Variants in TYW1B observed in about 807,000 individuals in gnomAD.
TYW1B encodes the protein S-adenosyl-L-methionine-dependent tRNA 4-demethylwyosine synthase TYW1B.
TYW1B carries 73 observed loss-of-function variants against 86.9 expected under a neutral mutation model. That is an observed-to-expected ratio of 0.84 (90% CI 0.70 to 1.02). The LOEUF (loss-of-function observed/expected upper bound fraction) is 1.02, where lower values mean the gene tolerates loss of function less well. Among genes scored for constraint, TYW1B ranks in the 50% least tolerant of loss-of-function variants. TYW1B has a pLI of 0.00. For missense variants in TYW1B, 637 were observed against 827.4 expected (o/e 0.77, Z 2.82); for synonymous variants, 248 against 292.8 (o/e 0.85, Z 1.56).
chr7:72,719,872 T>G (rs1786863748), intron 9 of TYW1B, among the ~76,000 whole-genome samples: 1 of 152,092 alleles, frequency 6.6e-6, no homozygotes, highest in Admixed American at 6.6e-5. Context: ...GGAGCCTGCC[T>G]GATTATGTCT....
Position 72,691,888 on chromosome 7 carries a change from T to G in TYW1B, c.1506+2799A>C, listed in dbSNP as rs1814171533. On this transcript the variant is annotated intron_variant, in intron 11 of 13. Transcript: ENST00000620995. The stretch of plus-strand genomic sequence containing the variant: ...ACACATATAGTACTTTACAAATCTC[T>G]GTTGAGTTTCCACCCATTCATTCTT... 5.3e-5 allele frequency among the ~76,000 whole-genome samples: 8 copies of G among 152,134 alleles called. No homozygotes were observed. The South Asian group carries it at 1.7e-3, about 31-fold the overall frequency.
chr7:72,607,387 G>T (rs1328928158), intron 13 of TYW1B, among the ~76,000 whole-genome samples: 1 of 91,996 alleles, frequency 1.1e-5, no homozygotes, highest in Non-Finnish European at 2.1e-5. Flanking sequence ...GTGAGATTCT[G>T]TCTCTCAAAA....
chr7:72,678,724 T>C (rs1813798495), intron 11 of TYW1B, among the ~76,000 whole-genome samples: 2 of 151,056 alleles, frequency 1.3e-5, no homozygotes, highest in Admixed American at 1.3e-4. Context: ...GTATTTTTAG[T>C]AGAGACGGGG....
At chr7:72,725,340 C>G (rs1476264536) in intron 9 of TYW1B, among the ~76,000 whole-genome samples, 1 of 152,090 alleles carries the variant, frequency 6.6e-6, no homozygotes, top group Non-Finnish European at 1.5e-5. Context: ...ACAAACTGCC[C>G]GAGACACAGT....
At chr7:72,685,991 C>T (rs1813998695) in intron 11 of TYW1B, among the ~76,000 whole-genome samples, 1 of 152,130 alleles carries the variant, frequency 6.6e-6, no homozygotes. Context: ...CCATAACAGA[C>T]ATCTCTTCAA....
chr7:72,827,678 G>A (rs564533984), intron 1 of TYW1B, among the ~76,000 whole-genome samples: 2 of 152,080 alleles, frequency 1.3e-5, no homozygotes, highest in South Asian at 4.1e-4. Flanking sequence ...AAAGGCTCAC[G>A]GTTAAACTTG....
intron 8 of TYW1B, among the ~76,000 whole-genome samples, chr7:72,736,658 C>T (rs1787201948): frequency 6.6e-6 from 1 of 152,214 alleles, no homozygotes; most frequent in Non-Finnish European, 1.5e-5. Flanking sequence ...TAGGCAACCA[C>T]TAATCTACTT....
chr7:72,814,486 A>G (rs1788684489), intron 3 of TYW1B, among the ~76,000 whole-genome samples: 1 of 152,036 alleles, frequency 6.6e-6, no homozygotes, highest in Non-Finnish European at 1.5e-5. Context: ...CAGGAGACTG[A>G]GGCAGGAGAA....
rs1441447026 is a variant in TYW1B at position 72,628,922 on chromosome 7, C to T, written c.1582G>A (p.Val528Met). The change falls in exon 12 of 14, where the codon GTG becomes ATG. Residue 528 changes from valine to methionine, a missense_variant. By Grantham distance (21) the Val-to-Met change is conservative. Coordinates refer to ENST00000620995, the MANE Select transcript of TYW1B (RefSeq NM_001145440.3). ...VDELQAYAQLVSLGNPDFIEV... is the reference protein window; with the variant it reads ...VDELQAYAQLMSLGNPDFIEV... Reference sequence around the variant, plus strand: ...ATGAAGTCAGGATTCCCCAGGGACACGAGCTGCGCGTAGGCCTGGAGCTCG... The same window carrying T: ...ATGAAGTCAGGATTCCCCAGGGACATGAGCTGCGCGTAGGCCTGGAGCTCG... The T allele has an allele frequency of 2.3e-5, 36 of 1,592,932 alleles. No individual in the cohort carries two copies. Among genetic ancestry groups the T allele is most frequent in the South Asian group, 1.1e-4 (10 of 87,838 alleles).
At chr7:72,791,258 G>A (rs1788212694) in intron 6 of TYW1B, among the ~76,000 whole-genome samples, 1 of 152,024 alleles carries the variant, frequency 6.6e-6, no homozygotes. Flanking sequence ...AGAAACCTTG[G>A]GGAGGGAGGG....
At chr7:72,612,947 C>T (rs1399710087) in intron 13 of TYW1B, among the ~76,000 whole-genome samples, 1 of 151,976 alleles carries the variant, frequency 6.6e-6, no homozygotes, top group African/African-American at 2.4e-5. Flanking sequence ...GATGGAGTCT[C>T]ACTATGTTGC....
At chr7:72,814,886 G>A (rs1327517860) in intron 3 of TYW1B, among the ~76,000 whole-genome samples, 1 of 147,716 alleles carries the variant, frequency 6.8e-6, no homozygotes, top group Non-Finnish European at 1.5e-5. Flanking sequence ...CCAACATGGT[G>A]AAACCTCAAC....
At chr7:72,802,913 G>A (rs1435275204) in intron 5 of TYW1B, among the ~76,000 whole-genome samples, 2 of 152,026 alleles carry the variant, frequency 1.3e-5, no homozygotes, top group African/African-American at 4.8e-5. Flanking sequence ...CAACAACAGC[G>A]CTCGGCTGTC....
rs35390409 is a variant in TYW1B at position 72,814,902 on chromosome 7, C to CAA, written c.237+476_237+477dup. On this transcript the variant is annotated intron_variant, in intron 3 of 13. Coordinates refer to ENST00000620995, the MANE Select transcript of TYW1B (RefSeq NM_001145440.3). ...CAACATGGTGAAACCTCAACTCTAG[C>CAA]AAAAAAAAAAAAAAAAATTAGCTGG... 6.7e-3 allele frequency among the ~76,000 whole-genome samples: 848 copies of CAA among 125,822 alleles called. 12 individuals carry two copies. Among genetic ancestry groups the CAA allele is most frequent in the African/African-American group, 0.021 (726 of 34,634 alleles). 82.5% of individuals were successfully genotyped at this position (125,822 alleles called of 152,430 possible).
rs1208081951 is a variant in TYW1B at position 72,810,570 on chromosome 7, T to C, written c.333A>G (p.Glu111=). Residue 111 remains glutamate (E), a synonymous_variant, in exon 4 of 14, where the codon GAA becomes GAG. Coordinates refer to ENST00000620995, the MANE Select transcript of TYW1B (RefSeq NM_001145440.3). Reference sequence around the variant, plus strand: ...TGCCAAATCGAAAATCAATGGATGCTTCCTCTAACCATTTGCAGAACCACT... The same window carrying C: ...TGCCAAATCGAAAATCAATGGATGCCTCCTCTAACCATTTGCAGAACCACT... ...SAEWFCKWLE[E]ASIDFRFGKT... is the part of the protein sequence containing the mutation. 1 of 1,613,956 alleles carries C rather than the reference T, an allele frequency of 6.2e-7. No homozygotes were observed. Among genetic ancestry groups the C allele is most frequent in the Non-Finnish European group, 8.5e-7 (1 of 1,179,866 alleles).
intron 13 of TYW1B, among the ~76,000 whole-genome samples, chr7:72,597,735 T>TA (rs1811571498): frequency 6.6e-6 from 1 of 152,164 alleles, no homozygotes; most frequent in Non-Finnish European, 1.5e-5. Flanking sequence ...TTTGAGAACT[T>TA]AGATGAAATG....
chr7:72,624,967 G>A (rs1430575783), intron 12 of TYW1B, among the ~76,000 whole-genome samples: 1 of 151,834 alleles, frequency 6.6e-6, no homozygotes, highest in African/African-American at 2.4e-5. Context: ...GCGGAGGCAT[G>A]AGAATTGCTT....
intron 13 of TYW1B, among the ~76,000 whole-genome samples, chr7:72,604,406 G>C (rs556298820): frequency 6.6e-6 from 1 of 152,070 alleles, no homozygotes; most frequent in Non-Finnish European, 1.5e-5. Flanking sequence ...AGGTTGCAGC[G>C]AGCTGAGATC....
intron 13 of TYW1B, among the ~76,000 whole-genome samples, chr7:72,576,819 C>A (rs1554428711): frequency 6.6e-6 from 1 of 151,722 alleles, no homozygotes; most frequent in Admixed American, 6.6e-5. Flanking sequence ...GCCCATGCCA[C>A]TATCTTTTAA....
Sources: allele counts gnomAD v4.1 joint callset (sites outside exome capture counted in the v4.1 genomes callset), GRCh38; gene constraint gnomAD v4.1.1; transcripts MANE v1.5; gene names NCBI Gene and HGNC (gene_info 2026-07-23, HGNC 2026-07-21).